LSM2: variants seen among roughly 807,000 people sequenced by gnomAD.
LSM2 encodes U6 snRNA-associated Sm-like protein LSm2.
A neutral mutation model predicts 17.0 loss-of-function variants in LSM2; 12 were observed. That is an observed-to-expected ratio of 0.70 (90% CI 0.45 to 1.14). LSM2 has a LOEUF of 1.14. LSM2 is among the 50% of genes most tolerant of loss of function. The probability of loss-of-function intolerance (pLI) is 0.00; values close to 1 mark genes in which losing one functional copy is unlikely to be tolerated. For missense variants in LSM2, 62 were observed against 111.8 expected (o/e 0.55, Z 2.01); for synonymous variants, 42 against 44.5 (o/e 0.94, Z 0.22).
chr6:31,798,405 G>A, intron 3 of LSM2, 72 bp downstream of exon 3: 4 of 1,573,684 alleles, frequency 2.5e-6, no homozygotes, highest in East Asian at 2.2e-5. Context: ...GAGACATGAT[G>A]TAAGAACCCA....
At position 31,806,853 on chromosome 6, in the gene LSM2, G is replaced by A. The variant is rs1037843319; in HGVS notation, c.-96C>T. On this transcript the variant is annotated 5_prime_UTR_variant, in exon 1 of 5. Transcript: ENST00000375661. Reference sequence around the variant, plus strand: ...CGAAGCGCGAGCCCGCGCGTGGGGCGAGGCGGGACCGCGCAGGCGCAGCGG... The same window carrying A: ...CGAAGCGCGAGCCCGCGCGTGGGGCAAGGCGGGACCGCGCAGGCGCAGCGG... 4.1e-6 allele frequency: 6 copies of A among 1,449,468 alleles called. No homozygotes were observed. The highest frequency in any genetic ancestry group is 2.5e-5 in the East Asian group (1 of 40,734). 89.8% of individuals were successfully genotyped at this position (1,449,468 alleles called of 1,614,324 possible).
intron 2 of LSM2, among the ~76,000 whole-genome samples, chr6:31,801,107 G>A (rs917521127): frequency 2.0e-5 from 3 of 146,506 alleles, no homozygotes; most frequent in African/African-American, 7.7e-5. Flanking sequence ...GGAGGTAGAG[G>A]TTGCAGTGAG....
At chr6:31,800,427 C>T (rs1014395789) in intron 2 of LSM2, among the ~76,000 whole-genome samples, 18 of 152,150 alleles carry the variant, frequency 1.2e-4, no homozygotes, top group Admixed American at 1.2e-3. Flanking sequence ...GTTCTCTGCC[C>T]CAATTTTTGT....
chr6:31,800,571 G>A (rs375763908), intron 2 of LSM2, among the ~76,000 whole-genome samples: 3 of 152,004 alleles, frequency 2.0e-5, no homozygotes, highest in African/African-American at 7.2e-5. Context: ...TGGCCAACAC[G>A]GCGAATCCCC....
In LSM2 at chr6:31,800,625, C is replaced by T. The variant is rs999893750; in HGVS notation, c.72-2118G>A. Among the ~76,000 whole-genome samples, 31 of 152,198 alleles carry T rather than the reference C, an allele frequency of 2.0e-4. 1 individual carries two copies. The highest frequency in any genetic ancestry group is 4.3e-4 in the Non-Finnish European group (29 of 68,014). On this transcript the variant is annotated intron_variant, in intron 2 of 4. Transcript: ENST00000375661. ...AAAATTGGCCGGGCGTGGTGGCTCA[C>T]GCCTATAATCTCAGCACTTTGGGAG... is the stretch of plus-strand genomic sequence containing the variant.
chr6:31,798,412 C>A, intron 3 of LSM2, 65 bp downstream of exon 3: 2 of 1,592,206 alleles, frequency 1.3e-6, no homozygotes, highest in Non-Finnish European at 1.7e-6. Context: ...GATGTAAGAA[C>A]CCAACCCTTA....
chr6:31,799,011 C>G (rs1415304773), intron 2 of LSM2, among the ~76,000 whole-genome samples: 1 of 152,156 alleles, frequency 6.6e-6, no homozygotes, highest in Admixed American at 6.6e-5. Flanking sequence ...GCTGGGATTA[C>G]AGGTGTGAAC....
intron 1 of LSM2, 144 bp from the exon 2 acceptor site, chr6:31,806,286 G>T: frequency 1.3e-6 from 1 of 796,650 alleles, no homozygotes; most frequent in Non-Finnish European, 2.0e-6. Flanking sequence ...AGAATAATTG[G>T]TTGACAGAGC....
At chr6:31,802,363 G>A (rs1276310053) in intron 2 of LSM2, among the ~76,000 whole-genome samples, 5 of 152,094 alleles carry the variant, frequency 3.3e-5, no homozygotes, top group African/African-American at 1.2e-4. Flanking sequence ...TTGGGAGGCC[G>A]AGGTGGGCAG....
At chr6:31,801,022 A>C (rs681331) in intron 2 of LSM2, among the ~76,000 whole-genome samples, 11,182 of 151,798 alleles carry the variant, frequency 0.074, 529 homozygotes, top group Non-Finnish European at 0.11. Context: ...AAAAATACAA[A>C]AATTAGCTGT....
At position 31,797,805 on chromosome 6, in the gene LSM2, CTG is replaced by C. The variant is rs1448759120; in HGVS notation, c.238_239del (p.Gln80ValfsTer61). 6.2e-7 allele frequency: 1 copy of C among 1,612,934 alleles called. No individual in the cohort carries two copies. The highest frequency in any genetic ancestry group is 8.5e-7 in the Non-Finnish European group (1 of 1,180,044). On this transcript the variant is annotated frameshift_variant, in exon 5 of 5. Coordinates refer to ENST00000375661, the MANE Select transcript of LSM2 (RefSeq NM_021177.5). LOFTEE classifies it high-confidence loss of function. ...CCTTCCTTGCCGCATCCTGTAGCAA[CTG>C]TGTGTCGACCTCATCTGCTGGCAGC... ...VQLPADEVDT[Q>X]LLQDAARKEA...
chr6:31,797,912 C>T (rs1451429401), intron 4 of LSM2, 30 bp from the exon 5 acceptor site: 7 of 1,612,856 alleles, frequency 4.3e-6, no homozygotes, highest in Non-Finnish European at 5.1e-6. Context: ...TATGAAAACA[C>T]CCTTAAAAAT....
intron 2 of LSM2, among the ~76,000 whole-genome samples, chr6:31,802,393 G>A (rs908485447): frequency 3.1e-4 from 47 of 151,742 alleles, no homozygotes; most frequent in African/African-American, 1.1e-3. Flanking sequence ...TCAGGAGATT[G>A]AGACCATCCT....
intron 2 of LSM2, among the ~76,000 whole-genome samples, chr6:31,803,527 T>C (rs1014733061): frequency 4.7e-5 from 7 of 149,190 alleles, no homozygotes; most frequent in African/African-American, 1.7e-4. Flanking sequence ...GAGAATACAA[T>C]TGATCCCATC....
chr6:31,803,141 C>T (rs987588232), intron 2 of LSM2, among the ~76,000 whole-genome samples: 1 of 152,144 alleles, frequency 6.6e-6, no homozygotes, highest in Non-Finnish European at 1.5e-5. Flanking sequence ...CAAATGGAAA[C>T]CTGTGTTCTA....
intron 2 of LSM2, among the ~76,000 whole-genome samples, chr6:31,799,355 T>C (rs1488654348): frequency 1.3e-5 from 2 of 152,020 alleles, no homozygotes; most frequent in Non-Finnish European, 2.9e-5. Flanking sequence ...TGAGCCACCA[T>C]GCCCAGCTGA....
chr6:31,798,353 T>A (rs1814509655), intron 3 of LSM2, 124 bp downstream of exon 3: 1 of 1,170,232 alleles, frequency 8.5e-7, no homozygotes, highest in Non-Finnish European at 1.2e-6. Context: ...ATTACAGGCG[T>A]GAGCCACCGT....
chr6:31,797,877 T>G lies in LSM2; in HGVS notation c.168A>C (p.Ser56=), dbSNP rs767187584. 6.8e-6 allele frequency: 11 copies of G among 1,612,908 alleles called. No individual in the cohort carries two copies. The South Asian group carries it at 1.2e-4, about 18-fold the overall frequency. The change falls in exon 5 of 5, where the codon TCA becomes TCC. Residue 56 remains serine, a synonymous_variant. Coordinates refer to ENST00000375661, the MANE Select transcript of LSM2 (RefSeq NM_021177.5). ...TDPEKYPHML[S]VKNCFIRGSV... is the part of the protein sequence containing the mutation. ...AGCCCCGAATGAAGCAGTTCTTCAC[T>G]GATAACTAGACAAAGATGGACAAAT... is the stretch of plus-strand genomic sequence containing the variant.
At position 31,806,858 on chromosome 6, in the gene LSM2, G is replaced by A. The variant is rs1402670864; in HGVS notation, c.-101C>T. ...CGCGAGCCCGCGCGTGGGGCGAGGCGGGACCGCGCAGGCGCAGCGGGAAGC... is the reference window on the plus strand; with the variant it reads ...CGCGAGCCCGCGCGTGGGGCGAGGCAGGACCGCGCAGGCGCAGCGGGAAGC... On this transcript the variant is annotated 5_prime_UTR_variant, in exon 1 of 5. Transcript: ENST00000375661. 4.9e-6 allele frequency: 7 copies of A among 1,436,162 alleles called. No homozygotes were observed. The highest frequency in any genetic ancestry group is 1.4e-5 in the South Asian group (1 of 71,232). 89.0% of individuals were successfully genotyped at this position (1,436,162 alleles called of 1,614,324 possible). A position where few individuals can be genotyped will look rare whatever the true frequency, so the allele number is the denominator to read the frequency against.
Sources: allele counts gnomAD v4.1 joint callset (sites outside exome capture counted in the v4.1 genomes callset), GRCh38; gene constraint gnomAD v4.1.1; transcripts MANE v1.5; gene names NCBI Gene and HGNC (gene_info 2026-07-23, HGNC 2026-07-21).